The following SLF2 variants were observed in gnomAD, a reference collection of about 807,000 sequenced individuals.
SLF2 encodes SMC5-SMC6 complex localization factor protein 2.
SLF2 carries 68 observed loss-of-function variants against 124.3 expected under a neutral mutation model. The observed-to-expected ratio is 0.55, with a 90% CI of 0.45 to 0.67. The LOEUF (loss-of-function observed/expected upper bound fraction) is 0.67. Ranked by LOEUF, SLF2 falls within the 30% of genes least tolerant of loss-of-function variation. The pLI, the probability that SLF2 is intolerant of heterozygous loss-of-function variation, is 0.00. For missense variants in SLF2, 1,246 were observed against 1,373.7 expected (o/e 0.91, Z 1.47); for synonymous variants, 480 against 478.8 (o/e 1.00, Z -0.03).
At chr10:100,935,859 CTTTTTTT>C (rs556164456) in intron 9 of SLF2, among the ~76,000 whole-genome samples, 2,228 of 99,312 alleles carry the variant, frequency 0.022, 41 homozygotes, top group African/African-American at 0.077. Flanking sequence ...TTTTTTTTTT[CTTTTTTT>C]TTTTTTTTTT....
chr10:100,917,046 A>G lies in SLF2; in HGVS notation c.661A>G (p.Ser221Gly). 1 of 1,614,242 alleles carries G rather than the reference A, an allele frequency of 6.2e-7. No homozygotes were observed. The change falls in exon 3 of 20, where the codon AGC (serine) becomes GGC (glycine). Residue 221 changes from serine to glycine, a missense_variant. Ser to Gly is a moderately conservative substitution (Grantham distance 56). Transcript: ENST00000238961. The stretch of plus-strand genomic sequence containing the variant: ...CTCCAGAAGCCTTAGCAGCAGGAGC[A>G]GCCTGTCCAGGCACCACCCGGAAGA... Reference protein sequence around the residue: ...NSSRSLSSRSSLSRHHPEESP... With the variant: ...NSSRSLSSRSGLSRHHPEESP...
intron 11 of SLF2, among the ~76,000 whole-genome samples, chr10:100,939,299 C>T (rs1849923257): frequency 1.3e-5 from 2 of 152,090 alleles, no homozygotes; most frequent in Non-Finnish European, 2.9e-5. Flanking sequence ...GCAGGAGAAT[C>T]ACTTGAGGCC....
At chr10:100,919,400 C>G (rs896582125) in intron 4 of SLF2, among the ~76,000 whole-genome samples, 1 of 151,978 alleles carries the variant, frequency 6.6e-6, no homozygotes, top group African/African-American at 2.4e-5. Context: ...GAGACTGTTA[C>G]CATGATAAAA....
intron 11 of SLF2, 163 bp from the exon 12 acceptor site, chr10:100,943,863 A>T (rs989322219): frequency 2.0e-6 from 1 of 494,690 alleles, no homozygotes; most frequent in Non-Finnish European, 3.6e-6. Context: ...TGGTGGTTAC[A>T]TTAGTATATA....
chr10:100,951,249 AAAG>A (rs1261715215), intron 17 of SLF2, among the ~76,000 whole-genome samples: 2 of 152,228 alleles, frequency 1.3e-5, no homozygotes, highest in African/African-American at 4.8e-5. Context: ...ATCTCAGAAA[AAAG>A]AAGAAAAGAA....
At chr10:100,944,375 G>A (rs1850054265) in intron 12 of SLF2, among the ~76,000 whole-genome samples, 1 of 151,362 alleles carries the variant, frequency 6.6e-6, no homozygotes, top group South Asian at 2.1e-4. Context: ...GGTACCTGTA[G>A]TCCCAGCTAT....
At position 100,924,300 on chromosome 10, in the gene SLF2, G is replaced by A. The variant is rs751558581; in HGVS notation, c.1299G>A (p.Glu433=). Residue 433 remains glutamate, a synonymous_variant, in exon 5 of 20, where the codon GAG becomes GAA. Transcript: ENST00000238961. ...SDQIQVAGTK[E]TKMQKPHLPL... ...AAATCCAAGTGGCAGGTACCAAGGA[G>A]ACTAAGATGCAGAAACCCCACTTAC... The A allele has an allele frequency of 1.2e-6, 2 of 1,614,098 alleles. No individual in the cohort carries two copies. The highest frequency in any genetic ancestry group is 1.7e-5 in the Admixed American group (1 of 60,016).
intron 4 of SLF2, among the ~76,000 whole-genome samples, chr10:100,919,811 C>T (rs1292087341): frequency 6.6e-6 from 1 of 152,182 alleles, no homozygotes; most frequent in African/African-American, 2.4e-5. Flanking sequence ...TCGTTTGAAC[C>T]TCATAACTTT....
chr10:100,918,524 A>G (rs1849464550), intron 4 of SLF2, 83 bp downstream of exon 4: 1 of 868,244 alleles, frequency 1.2e-6, no homozygotes, highest in African/African-American at 1.7e-5. Flanking sequence ...TTGTTTAAAT[A>G]TGCAGTTCCC....
chr10:100,949,968 GC>G, intron 15 of SLF2, 107 bp from the exon 16 acceptor site: 1 of 1,080,618 alleles, frequency 9.3e-7, no homozygotes. Context: ...TGTAAAGAAA[GC>G]TATAATAAAA....
chr10:100,936,486 A>T (rs1849860931), intron 9 of SLF2, among the ~76,000 whole-genome samples: 1 of 151,894 alleles, frequency 6.6e-6, no homozygotes, highest in Admixed American at 6.6e-5. Flanking sequence ...GGAACCCGCC[A>T]CCACGCCTGG....
chr10:100,941,425 T>C (rs558471560), intron 11 of SLF2, among the ~76,000 whole-genome samples: 3 of 152,256 alleles, frequency 2.0e-5, no homozygotes, highest in Admixed American at 2.0e-4. Flanking sequence ...CATCCCTATG[T>C]TCCTTTTCCT....
Position 100,938,937 on chromosome 10 carries a change from C to T in SLF2, c.2654+201C>T, listed in dbSNP as rs1849916879. On this transcript the variant is annotated intron_variant, in intron 11 of 19. Transcript: ENST00000238961. Reference sequence around the variant, plus strand: ...AGCAGGCAAATAATAGAAATATTCTCATAAAAGTTTTGTTTTCTTTTTTAA... The same window carrying T: ...AGCAGGCAAATAATAGAAATATTCTTATAAAAGTTTTGTTTTCTTTTTTAA... 2.0e-5 allele frequency among the ~76,000 whole-genome samples: 3 copies of T among 152,068 alleles called. No individual in the cohort carries two copies. The South Asian group carries it at 6.2e-4, about 31-fold the overall frequency.
At chr10:100,929,761 C>A in intron 7 of SLF2, 69 bp from the exon 8 acceptor site, 1 of 1,233,130 alleles carries the variant, frequency 8.1e-7, no homozygotes, top group Non-Finnish European at 1.1e-6. Context: ...TTCTTTGCAC[C>A]CAGCTTTTAA....
rs777150365 is a variant in SLF2, at chr10:100,916,062, A to AT, written c.184+26dup. On this transcript the variant is annotated intron_variant, in intron 2 of 19. Coordinates refer to ENST00000238961, the MANE Select transcript of SLF2 (RefSeq NM_018121.4). ...AACAAGGTATGTACACTGTTGATGC[A>AT]TTTTTTGTGGGCTATTTTGGGGGTG... 28 of 1,600,052 alleles carry AT rather than the reference A, an allele frequency of 1.7e-5. No homozygotes were observed. In the South Asian group the frequency reaches 2.8e-4, roughly 16 times the overall value.
chr10:100,956,312 T>A, intron 17 of SLF2, 139 bp from the exon 18 acceptor site: 1 of 605,820 alleles, frequency 1.7e-6, no homozygotes, highest in Non-Finnish European at 2.9e-6. Context: ...CAACTACTGT[T>A]ACGTTGAATA....
rs965993396 is a variant in SLF2, at chr10:100,963,007, A to G, written c.*1095A>G. 6.6e-6 allele frequency: 1 copy of G among 152,620 alleles called. No individual in the cohort carries two copies. The highest frequency in any genetic ancestry group is 1.5e-5 in the Non-Finnish European group (1 of 68,026). The allele number at this position is 152,620 out of a possible 1,614,324, so 9.5% of individuals were successfully genotyped here. A position where few individuals can be genotyped will look rare whatever the true frequency, so the allele number is the denominator to read the frequency against. ...TGTTTTTAGCCCAGGGGTAGTAACA[A>G]ACTCTTACTAGCCAACTAGAAAATT... On this transcript the variant is annotated 3_prime_UTR_variant, in exon 20 of 20. Transcript: ENST00000238961.
intron 11 of SLF2, among the ~76,000 whole-genome samples, chr10:100,940,586 C>G (rs866723627): frequency 4.7e-5 from 7 of 150,370 alleles, no homozygotes; most frequent in African/African-American, 1.5e-4. Flanking sequence ...GGTCTCGAAC[C>G]CCTGAGCTCA....
chr10:100,945,907 G>A (rs1364594500), intron 13 of SLF2, among the ~76,000 whole-genome samples: 3 of 152,180 alleles, frequency 2.0e-5, no homozygotes, highest in Non-Finnish European at 4.4e-5. Flanking sequence ...CAGGACATGA[G>A]TACAGCAAGA....
Sources: gnomAD v4.1 joint callset for allele counts (sites outside exome capture counted in the v4.1 genomes callset) on GRCh38, gnomAD v4.1.1 for gene constraint, MANE v1.5 for transcripts, NCBI Gene and HGNC (gene_info 2026-07-23, HGNC 2026-07-21) for gene names.